Variants in MYO3B observed in about 807,000 individuals in gnomAD.
MYO3B encodes the protein myosin-IIIb.
In MYO3B, 156 loss-of-function variants were observed where a neutral mutation model predicts 174.6. The ratio of observed to expected loss-of-function variants is 0.89; its 90% CI spans 0.78 to 1.02. The LOEUF (loss-of-function observed/expected upper bound fraction) is 1.02, where lower values mean the gene tolerates loss of function less well. Ranked by LOEUF, MYO3B falls within the 50% of genes least tolerant of loss-of-function variation. The pLI is 0.00. For missense variants in MYO3B, 1,632 were observed against 1,639.4 expected (o/e 1.00, Z 0.08); for synonymous variants, 563 against 569.1 (o/e 0.99, Z 0.15).
chr2:170,463,229 C>T lies in MYO3B; in HGVS notation c.2731-139C>T, dbSNP rs1684417292. On this transcript the variant is annotated intron_variant, in intron 23 of 34. Transcript: ENST00000408978. Reference sequence around the variant, plus strand: ...CGTTTCTATGTTTTGAAAAATTCTCCCCACAGTATACACTATTGTGTCCTA... The same window carrying T: ...CGTTTCTATGTTTTGAAAAATTCTCTCCACAGTATACACTATTGTGTCCTA... 3 of 588,814 alleles carry T rather than the reference C, an allele frequency of 5.1e-6. No homozygotes were observed. The South Asian group carries it at 8.1e-5, about 16-fold the overall frequency. The allele number at this position is 588,814 out of a possible 1,614,324, so 36.5% of individuals were successfully genotyped here. A position where few individuals can be genotyped will look rare whatever the true frequency, so the allele number is the denominator to read the frequency against.
intron 16 of MYO3B, among the ~76,000 whole-genome samples, chr2:170,397,452 A>C (rs1271552123): frequency 6.6e-6 from 1 of 152,242 alleles, no homozygotes; most frequent in Admixed American, 6.5e-5. Flanking sequence ...CTATAAGCAT[A>C]AAATGCAAAA....
intron 22 of MYO3B, among the ~76,000 whole-genome samples, chr2:170,434,736 G>T (rs1028664573): frequency 6.6e-6 from 1 of 152,184 alleles, no homozygotes; most frequent in South Asian, 2.1e-4. Flanking sequence ...TCTTTGAAAA[G>T]AAATTTAGAA....
intron 7 of MYO3B, among the ~76,000 whole-genome samples, chr2:170,284,545 A>G (rs1389917675): frequency 6.6e-6 from 1 of 152,126 alleles, no homozygotes; most frequent in Non-Finnish European, 1.5e-5. Context: ...ATGATGGGGA[A>G]AATAGGGAGA....
intron 7 of MYO3B, among the ~76,000 whole-genome samples, chr2:170,319,802 A>AG (rs749673785): frequency 2.6e-5 from 4 of 152,262 alleles, no homozygotes; most frequent in Non-Finnish European, 5.9e-5. Context: ...ATCATGTGCA[A>AG]GGGAAGGTCA....
Position 170,236,101 on chromosome 2 carries a change from C to G in MYO3B, c.714C>G (p.Asp238Glu). The G allele has an allele frequency of 6.2e-7, 1 of 1,614,178 alleles. No homozygotes were observed. The highest frequency in any genetic ancestry group is 8.5e-7 in the Non-Finnish European group (1 of 1,180,028). ...GGGATGGAGACCCTCCCCTCTTTGA[C>G]ATGCATCCTGTGAAAACACTCTTTA... Reference protein sequence around the residue: ...ELGDGDPPLFDMHPVKTLFKI... With the variant: ...ELGDGDPPLFEMHPVKTLFKI... The change falls in exon 7 of 35, where the codon GAC (aspartate) becomes GAG (glutamate). Residue 238 changes from aspartate to glutamate, a missense_variant. Coordinates refer to ENST00000408978, the MANE Select transcript of MYO3B (RefSeq NM_138995.5).
chr2:170,207,037 G>C (rs2092719918), intron 3 of MYO3B, among the ~76,000 whole-genome samples: 1 of 152,100 alleles, frequency 6.6e-6, no homozygotes, highest in Non-Finnish European at 1.5e-5. Flanking sequence ...CTCAAGCATG[G>C]TCTACCTCAC....
chr2:170,596,167 G>C (rs867753318), intron 32 of MYO3B, among the ~76,000 whole-genome samples: 36 of 152,206 alleles, frequency 2.4e-4, no homozygotes, highest in African/African-American at 8.2e-4. Flanking sequence ...TTACCACACA[G>C]AGTAAGTTAA....
At position 170,404,266 on chromosome 2, in the gene MYO3B, G is replaced by T; in HGVS notation, c.2297G>T (p.Gly766Val). The change falls in exon 20 of 35, where the codon GGC (glycine) becomes GTC (valine). Residue 766 changes from glycine to valine, a missense_variant. Gly to Val is a moderately radical substitution (Grantham distance 109). Transcript: ENST00000408978. ...CTCCAGATGGAATATCAGAATGAAG[G>T]CATTGATGCTGTACCCGTGGAATAT... ...ALEQMEYQNE[G>V]IDAVPVEYED... 1 of 1,608,200 alleles carries T rather than the reference G, an allele frequency of 6.2e-7. No individual in the cohort carries two copies. The highest frequency in any genetic ancestry group is 1.1e-5 in the South Asian group (1 of 89,786).
chr2:170,585,375 C>A (rs1433404814), intron 32 of MYO3B, among the ~76,000 whole-genome samples: 1 of 148,130 alleles, frequency 6.8e-6, no homozygotes, highest in Non-Finnish European at 1.5e-5. Flanking sequence ...TGGGGAGGAC[C>A]CAAAAAAAGT....
intron 1 of MYO3B, among the ~76,000 whole-genome samples, chr2:170,194,669 G>C (rs1473468915): frequency 6.6e-6 from 1 of 152,110 alleles, no homozygotes; most frequent in Non-Finnish European, 1.5e-5. Context: ...GTTCTCTAGA[G>C]GGACAGAACT....
chr2:170,242,139 A>T (rs1044601160), intron 7 of MYO3B, among the ~76,000 whole-genome samples: 3 of 152,208 alleles, frequency 2.0e-5, no homozygotes, highest in Admixed American at 2.0e-4. Context: ...TCACCAACCC[A>T]GGTCACTTAG....
chr2:170,349,392 T>A (rs2094042918), intron 8 of MYO3B: 1 of 152,230 alleles, frequency 6.6e-6, no homozygotes. Flanking sequence ...GTATCTTTAC[T>A]GCTTCATATC....
intron 28 of MYO3B, among the ~76,000 whole-genome samples, chr2:170,503,673 A>G (rs184607772): frequency 6.6e-6 from 1 of 151,952 alleles, no homozygotes; most frequent in Admixed American, 6.5e-5. Context: ...TTAGCCTTGC[A>G]AGCACCTCCC....
At chr2:170,646,944 A>G (rs778595919) in intron 32 of MYO3B, 1 of 1,344,566 alleles carries the variant, frequency 7.4e-7, no homozygotes, top group South Asian at 1.2e-5. Context: ...TTATGGGTAT[A>G]TATCTTTCAA....
At chr2:170,467,632 A>C (rs1684725617) in intron 25 of MYO3B, among the ~76,000 whole-genome samples, 2 of 152,158 alleles carry the variant, frequency 1.3e-5, no homozygotes. Context: ...CAAGAAAAAA[A>C]AAATACATTG....
Position 170,463,926 on chromosome 2 carries a change from T to A in MYO3B, c.2808+481T>A, listed in dbSNP as rs117225828. Among the ~76,000 whole-genome samples the A allele has an allele frequency of 3.9e-5, 6 of 152,316 alleles. No individual in the cohort carries two copies. The East Asian group carries it at 5.8e-4, about 15-fold the overall frequency. ...AAACATGGTCTCTAGAAGGGCTCTG[T>A]TAAATGCACATTATATAGCAAAGAT... is the stretch of plus-strand genomic sequence containing the variant. On this transcript the variant is annotated intron_variant, in intron 24 of 34. Coordinates refer to ENST00000408978, the MANE Select transcript of MYO3B (RefSeq NM_138995.5).
intron 32 of MYO3B, among the ~76,000 whole-genome samples, chr2:170,636,436 T>C (rs950975498): frequency 7.2e-5 from 11 of 152,114 alleles, no homozygotes; most frequent in African/African-American, 2.7e-4. Context: ...TGACAGCCTC[T>C]TTCCTTCCAG....
intron 32 of MYO3B, among the ~76,000 whole-genome samples, chr2:170,623,378 A>T (rs1174183025): frequency 6.6e-6 from 1 of 152,142 alleles, no homozygotes; most frequent in African/African-American, 2.4e-5. Context: ...CTTCTTTTGA[A>T]AAGTGTCTGT....
intron 25 of MYO3B, among the ~76,000 whole-genome samples, chr2:170,471,823 C>G (rs1299354798): frequency 6.6e-6 from 1 of 151,994 alleles, no homozygotes; most frequent in Non-Finnish European, 1.5e-5. Context: ...GAAACCCCGT[C>G]TCTACTAAAA....
Sources: allele counts gnomAD v4.1 joint callset (sites outside exome capture counted in the v4.1 genomes callset), GRCh38; gene constraint gnomAD v4.1.1; transcripts MANE v1.5; gene names NCBI Gene and HGNC (gene_info 2026-07-23, HGNC 2026-07-21).